Variants in NEIL2 observed in about 807,000 individuals in gnomAD.
NEIL2 encodes endonuclease 8-like 2.
NEIL2 carries 23 observed loss-of-function variants against 22.2 expected under a neutral mutation model. The ratio of observed to expected loss-of-function variants is 1.04; its 90% CI spans 0.75 to 1.47. The LOEUF is 1.47. NEIL2 is among the 40% of genes most tolerant of loss of function. The pLI, the probability that NEIL2 is intolerant of heterozygous loss-of-function variation, is 0.00. For missense variants in NEIL2, 583 were observed against 404.7 expected (o/e 1.44, Z -3.78); for synonymous variants, 229 against 164.8 (o/e 1.39, Z -2.99).
At chr8:11,784,727 G>C (rs965353086) in intron 4 of NEIL2, among the ~76,000 whole-genome samples, 1 of 152,212 alleles carries the variant, frequency 6.6e-6, no homozygotes, top group Non-Finnish European at 1.5e-5. Flanking sequence ...GAAAGAGTAT[G>C]GTTGGAACAT....
chr8:11,786,287 C>CT lies in NEIL2; in HGVS notation c.*15dup. On this transcript the variant is annotated 3_prime_UTR_variant, in exon 5 of 5. Transcript: ENST00000284503. ...CAGTTCTCCTAAGGAGCTGGTGGTG[C>CT]TCCTCACGGAACCTTGCCGCTTGGG... is the stretch of plus-strand genomic sequence containing the variant. The CT allele has an allele frequency of 6.2e-7, 1 of 1,603,870 alleles. No homozygotes were observed. The highest frequency in any genetic ancestry group is 1.1e-5 in the South Asian group (1 of 90,276).
chr8:11,773,194 C>G (rs926078679), intron 2 of NEIL2, among the ~76,000 whole-genome samples: 2 of 152,206 alleles, frequency 1.3e-5, no homozygotes, highest in African/African-American at 2.4e-5. Context: ...ACCAGGGTGT[C>G]TGCCACAGAG....
At chr8:11,776,013 C>T (rs1449577489) in intron 2 of NEIL2, among the ~76,000 whole-genome samples, 4 of 152,228 alleles carry the variant, frequency 2.6e-5, no homozygotes, top group Non-Finnish European at 5.9e-5. Flanking sequence ...TTTTAGATGT[C>T]TTTACAGCAA....
chr8:11,786,940 A>T lies in NEIL2; in HGVS notation c.*667A>T, dbSNP rs1252030785. On this transcript the variant is annotated 3_prime_UTR_variant, in exon 5 of 5. Coordinates refer to ENST00000284503, the MANE Select transcript of NEIL2 (RefSeq NM_145043.4). ...CGGGTGTGAGCCACCGCGCCCAGCT[A>T]GCTCCTGTGTTTTGTTTTTGTTTTG... 1 of 152,676 alleles carries T rather than the reference A, an allele frequency of 6.5e-6. No individual in the cohort carries two copies. The highest frequency in any genetic ancestry group is 1.5e-5 in the Non-Finnish European group (1 of 68,460). 9.5% of individuals were successfully genotyped at this position (152,676 alleles called of 1,614,324 possible).
At chr8:11,783,760 G>T (rs1230397291) in intron 4 of NEIL2, among the ~76,000 whole-genome samples, 1 of 152,216 alleles carries the variant, frequency 6.6e-6, no homozygotes, top group Non-Finnish European at 1.5e-5. Context: ...ACCTGTGTCT[G>T]TAGGAACTGA....
At chr8:11,778,203 C>T (rs767834089) in intron 2 of NEIL2, among the ~76,000 whole-genome samples, 6 of 151,498 alleles carry the variant, frequency 4.0e-5, no homozygotes, top group Admixed American at 2.6e-4. Flanking sequence ...CAGTTATTTT[C>T]ATCAGAATTA....
At chr8:11,784,407 T>A (rs1804714933) in intron 4 of NEIL2, among the ~76,000 whole-genome samples, 1 of 152,244 alleles carries the variant, frequency 6.6e-6, no homozygotes. Context: ...ATAGTGCTTT[T>A]CCCTTCCTTC....
At chr8:11,777,445 G>C (rs1804005616) in intron 2 of NEIL2, among the ~76,000 whole-genome samples, 1 of 150,964 alleles carries the variant, frequency 6.6e-6, no homozygotes, top group African/African-American at 2.4e-5. Flanking sequence ...GTTCAGTCAT[G>C]TTAAGTGTAT....
rs938038257 is a variant in NEIL2, at chr8:11,787,012, C to A, written c.*739C>A. On this transcript the variant is annotated 3_prime_UTR_variant, in exon 5 of 5. Transcript: ENST00000284503. ...CCCTCCATTTTGGAAAGCAGGAAAACAGGATTTTTTTTTTTTTATCTTGTT... is the reference window on the plus strand; with the variant it reads ...CCCTCCATTTTGGAAAGCAGGAAAAAAGGATTTTTTTTTTTTTATCTTGTT... The A allele has an allele frequency of 1.4e-5, 2 of 144,220 alleles. No individual in the cohort carries two copies. Among genetic ancestry groups the A allele is most frequent in the African/African-American group, 5.0e-5 (2 of 40,078 alleles). 8.9% of individuals were successfully genotyped at this position (144,220 alleles called of 1,614,324 possible).
rs1804998554 is a variant in NEIL2, at chr8:11,786,738, CAAGCAGTCTTCATCT to C, written c.*466_*480del. 9.7e-6 allele frequency: 2 copies of C among 206,512 alleles called. No individual in the cohort carries two copies. The highest frequency in any genetic ancestry group is 4.8e-5 in the African/African-American group (2 of 41,790). The allele number at this position is 206,512 out of a possible 1,614,324, so 12.8% of individuals were successfully genotyped here. ...CACGGCAGCCTTGCCCTCCCTGGCT[CAAGCAGTCTTCATCT>C]CAGCCTCCAGAGTAGCTGGGACTAC... On this transcript the variant is annotated 3_prime_UTR_variant, in exon 5 of 5. Coordinates refer to ENST00000284503, the MANE Select transcript of NEIL2 (RefSeq NM_145043.4).
Position 11,771,493 on chromosome 8 carries a change from C to T in NEIL2, c.46C>T (p.Pro16Ser), listed in dbSNP as rs148425557. ...GAGGAAATTTCACCATTTGGTCTCC[C>T]CCTTTGTGGGTCAGCAGGTGGTCAA... is the stretch of plus-strand genomic sequence containing the variant. ...LVRKFHHLVS[P>S]FVGQQVVKTG... The change falls in exon 2 of 5, where the codon CCC becomes TCC. Residue 16 changes from proline to serine, a missense_variant. By Grantham distance (74) the Pro-to-Ser change is moderately conservative. Transcript: ENST00000284503. The T allele has an allele frequency of 9.3e-6, 15 of 1,614,080 alleles. No individual in the cohort carries two copies. In the African/African-American group the frequency reaches 1.6e-4, roughly 17 times the overall value.
At chr8:11,772,059 T>A (rs1803499308) in intron 2 of NEIL2, among the ~76,000 whole-genome samples, 1 of 151,974 alleles carries the variant, frequency 6.6e-6, no homozygotes, top group Non-Finnish European at 1.5e-5. Context: ...AAAAATTGGC[T>A]GGGTGTGGTG....
intron 1 of NEIL2, among the ~76,000 whole-genome samples, chr8:11,770,697 C>T (rs1278352033): frequency 6.6e-6 from 1 of 152,144 alleles, no homozygotes; most frequent in East Asian, 1.9e-4. Flanking sequence ...GTCTCCTCTG[C>T]CCGAACAGCC....
At chr8:11,770,691 C>T (rs754485918) in intron 1 of NEIL2, among the ~76,000 whole-genome samples, 3 of 152,162 alleles carry the variant, frequency 2.0e-5, no homozygotes, top group South Asian at 2.1e-4. Context: ...CTGGGAGTCT[C>T]CTCTGCCCGA....
chr8:11,786,627 G>GTTT lies in NEIL2; in HGVS notation c.*354_*355insTTT. 1 of 166,980 alleles carries GTTT rather than the reference G, an allele frequency of 6.0e-6. No individual in the cohort carries two copies. Among genetic ancestry groups the GTTT allele is most frequent in the Non-Finnish European group, 1.2e-5 (1 of 86,818 alleles). 10.3% of individuals were successfully genotyped at this position (166,980 alleles called of 1,614,324 possible). ...CCAACATAGCTTTGCAGATGATGTG[G>GTTT]GTTTTTTTTTTTTTTTTGGTTGTTT... On this transcript the variant is annotated 3_prime_UTR_variant, in exon 5 of 5. Transcript: ENST00000284503.
chr8:11,771,122 T>C (rs915650349), intron 1 of NEIL2, among the ~76,000 whole-genome samples: 1 of 152,136 alleles, frequency 6.6e-6, no homozygotes, highest in Non-Finnish European at 1.5e-5. Flanking sequence ...AAAGGCCAGC[T>C]CCTGGTGTGG....
chr8:11,782,291 G>A (rs933561356), intron 3 of NEIL2, among the ~76,000 whole-genome samples: 2 of 152,004 alleles, frequency 1.3e-5, no homozygotes, highest in African/African-American at 2.4e-5. Flanking sequence ...CAGGTGTGGT[G>A]GTATGCACCT....
rs1251500318 is a variant in NEIL2, at chr8:11,786,106, G to A, written c.832G>A (p.Gly278Ser). Reference sequence around the variant, plus strand: ...AGCCTGGCTGCAGGGCAAGTTCCAAGGCAGACCGCAGCACACACAGGTCTA... The same window carrying A: ...AGCCTGGCTGCAGGGCAAGTTCCAAAGCAGACCGCAGCACACACAGGTCTA... The part of the protein sequence containing the change: ...STAWLQGKFQ[G>S]RPQHTQVYQK... The change falls in exon 5 of 5, where the codon GGC becomes AGC. Residue 278 changes from glycine to serine, a missense_variant. Gly to Ser is a moderately conservative substitution (Grantham distance 56). Coordinates refer to ENST00000284503, the MANE Select transcript of NEIL2 (RefSeq NM_145043.4). 2.5e-6 allele frequency: 4 copies of A among 1,614,168 alleles called. No homozygotes were observed. The highest frequency in any genetic ancestry group is 1.1e-5 in the South Asian group (1 of 91,086).
At position 11,783,279 on chromosome 8, in the gene NEIL2, G is replaced by T; in HGVS notation, c.568G>T (p.Val190Phe). 6.2e-7 allele frequency: 1 copy of T among 1,614,220 alleles called. No individual in the cohort carries two copies. Among genetic ancestry groups the T allele is most frequent in the Non-Finnish European group, 8.5e-7 (1 of 1,180,030 alleles). Residue 190 changes from valine (V) to phenylalanine (F), a missense_variant, in exon 4 of 5, where the codon GTC becomes TTC. Coordinates refer to ENST00000284503, the MANE Select transcript of NEIL2 (RefSeq NM_145043.4). ...GTTGTCTTGGAGCTCTTCCCCAGTG[G>T]TCACACCCACCTGTGACATCCTGTC... ...CQLSWSSSPV[V>F]TPTCDILSEK...
Sources: gnomAD v4.1 joint callset for allele counts (sites outside exome capture counted in the v4.1 genomes callset) on GRCh38, gnomAD v4.1.1 for gene constraint, MANE v1.5 for transcripts, NCBI Gene and HGNC (gene_info 2026-07-23, HGNC 2026-07-21) for gene names.